MORN4: variants seen among roughly 807,000 people sequenced by gnomAD.
The protein encoded by MORN4 is MORN repeat containing 4, also known as MORN repeat-containing protein 4.
Under a neutral mutation model 16.4 loss-of-function variants are expected in MORN4, and 8 were observed. The ratio of observed to expected loss-of-function variants is 0.49; its 90% CI spans 0.29 to 0.88. The LOEUF is 0.88. Among genes scored for constraint, MORN4 ranks in the 40% least tolerant of loss-of-function variants. The pLI, the probability that MORN4 is intolerant of heterozygous loss-of-function variation, is 0.09. For synonymous variants in MORN4, 53 were observed against 68.9 expected, an observed-to-expected ratio of 0.77 and a Z score of 1.14; for missense variants, 159 against 182.9, an observed-to-expected ratio of 0.87 and a Z score of 0.75.
rs1162979185 is a variant in MORN4 at position 97,632,212 on chromosome 10, C to CTTTTT, written c.-31+1130_-31+1134dup. 1.1e-3 allele frequency among the ~76,000 whole-genome samples: 96 copies of CTTTTT among 86,970 alleles called. 2 individuals carry two copies. The highest frequency in any genetic ancestry group is 2.8e-3 in the African/African-American group (57 of 20,104). The allele number at this position is 86,970 out of a possible 152,430, so 57.1% of individuals were successfully genotyped here. A position where few individuals can be genotyped will look rare whatever the true frequency, so the allele number is the denominator to read the frequency against. ...GAACAAAAAGTCAAATAATACTCCCCTTTTTTTTTTTTTTTTTTTTTTTTG... is the reference window on the plus strand; with the variant it reads ...GAACAAAAAGTCAAATAATACTCCCCTTTTTTTTTTTTTTTTTTTTTTTTTTTTTG... On this transcript the variant is annotated intron_variant, in intron 1 of 4. Coordinates refer to ENST00000307450, the MANE Select transcript of MORN4 (RefSeq NM_178832.4).
chr10:97,622,531 C>CA (rs1291203954), intron 1 of MORN4, among the ~76,000 whole-genome samples: 1 of 151,638 alleles, frequency 6.6e-6, no homozygotes, highest in Non-Finnish European at 1.5e-5. Flanking sequence ...ACCAAAATTA[C>CA]AAAAAATCCA....
At chr10:97,616,830 T>G (rs1214464730) in intron 3 of MORN4, 43 bp from the exon 4 acceptor site, 1 of 1,384,634 alleles carries the variant, frequency 7.2e-7, no homozygotes, top group Non-Finnish European at 1.0e-6. Flanking sequence ...GAAAGTTAGC[T>G]GTCCAGATGA....
chr10:97,624,406 G>A (rs2041330747), intron 1 of MORN4, among the ~76,000 whole-genome samples: 1 of 152,032 alleles, frequency 6.6e-6, no homozygotes, highest in Non-Finnish European at 1.5e-5. Flanking sequence ...TGTTCCATCA[G>A]TGTTGTTTAT....
intron 1 of MORN4, among the ~76,000 whole-genome samples, chr10:97,623,605 A>G (rs2041322923): frequency 6.6e-6 from 1 of 152,114 alleles, no homozygotes; most frequent in South Asian, 2.1e-4. Context: ...ACAGGGTCTC[A>G]TTATGTTACC....
chr10:97,633,844 C>G (rs75881376), upstream of MORN4, among the ~76,000 whole-genome samples: 5,406 of 152,310 alleles, frequency 0.035, 264 homozygotes, highest in East Asian at 0.13. This position sits in a 1 kb window ranked among gnomAD's most constrained non-coding sequence, Gnocchi z 4.5. Flanking sequence ...ATCCTAAATC[C>G]AGCTTCAGAG....
At chr10:97,618,458 C>G (rs1589918066) in intron 2 of MORN4, among the ~76,000 whole-genome samples, 2 of 151,860 alleles carry the variant, frequency 1.3e-5, no homozygotes, top group Admixed American at 1.3e-4. Context: ...AATTCTTGAG[C>G]CTTGAGAGAA....
Position 97,620,961 on chromosome 10 carries a change from A to G in MORN4, c.-30-1278T>C, listed in dbSNP as rs546234733. Among the ~76,000 whole-genome samples the G allele has an allele frequency of 3.9e-5, 6 of 152,092 alleles. No individual in the cohort carries two copies. In the South Asian group the frequency reaches 1.0e-3, roughly 26 times the overall value. Reference sequence around the variant, plus strand: ...CATGGTAAAACCCCATCTCTACTAAAAATACAAAAATTAGCCGGGTGTGGT... The same window carrying G: ...CATGGTAAAACCCCATCTCTACTAAGAATACAAAAATTAGCCGGGTGTGGT... On this transcript the variant is annotated intron_variant, in intron 1 of 4. Coordinates refer to ENST00000307450, the MANE Select transcript of MORN4 (RefSeq NM_178832.4).
At chr10:97,620,144 C>T (rs2041275629) in intron 1 of MORN4, among the ~76,000 whole-genome samples, 1 of 151,752 alleles carries the variant, frequency 6.6e-6, no homozygotes, top group South Asian at 2.1e-4. Context: ...GAATTTAAAA[C>T]AAGCAGACAA....
chr10:97,629,508 G>A (rs1227269296), intron 1 of MORN4, among the ~76,000 whole-genome samples: 1 of 152,192 alleles, frequency 6.6e-6, no homozygotes, highest in Admixed American at 6.5e-5. Context: ...ACTACACAGA[G>A]GCTAACACTG....
Position 97,616,298 on chromosome 10 carries a change from T to C in MORN4, c.406A>G (p.Ser136Gly). The change falls in exon 5 of 5, where the codon AGC becomes GGC. Residue 136 changes from serine (S) to glycine (G), a missense_variant. Coordinates refer to ENST00000307450, the MANE Select transcript of MORN4 (RefSeq NM_178832.4). ...KCSAIVQRAQ[S>G]ASKSARNLTA ...AGATTTCTGGCTGACTTGGAGGCGC[T>C]CTGGGCCCGCTGAACAATGGCAGAA... 6.2e-7 allele frequency: 1 copy of C among 1,611,652 alleles called. No individual in the cohort carries two copies. Among genetic ancestry groups the C allele is most frequent in the African/African-American group, 1.3e-5 (1 of 74,920 alleles).
chr10:97,632,728 C>T (rs941598291), intron 1 of MORN4, among the ~76,000 whole-genome samples: 3 of 148,706 alleles, frequency 2.0e-5, no homozygotes, highest in East Asian at 2.0e-4. Flanking sequence ...TATTTAAAGG[C>T]GATGATGACC....
At position 97,614,855 on chromosome 10, in the gene MORN4, G is replaced by A. The variant is rs2041223249; in HGVS notation, c.*1408C>T. On this transcript the variant is annotated 3_prime_UTR_variant, in exon 5 of 5. Coordinates refer to ENST00000307450, the MANE Select transcript of MORN4 (RefSeq NM_178832.4). ...TTAGTTCCCCACAGTCCTAGAGTAG[G>A]TCCAATTCTACCAAAACCCCAGGGG... 2.0e-5 allele frequency: 3 copies of A among 152,324 alleles called. No homozygotes were observed. The highest frequency in any genetic ancestry group is 7.2e-5 in the African/African-American group (3 of 41,420). The allele number at this position is 152,324 out of a possible 1,614,324, so 9.4% of individuals were successfully genotyped here.
intron 1 of MORN4, among the ~76,000 whole-genome samples, chr10:97,623,724 G>A (rs568416887): frequency 1.3e-5 from 2 of 150,612 alleles, no homozygotes; most frequent in East Asian, 2.0e-4. Context: ...AAAACAAGAC[G>A]GGATTCTTTT....
At chr10:97,632,798 G>T (rs904049737) in intron 1 of MORN4, among the ~76,000 whole-genome samples, 3 of 151,832 alleles carry the variant, frequency 2.0e-5, no homozygotes, top group Admixed American at 2.0e-4. Flanking sequence ...TCACGGGAAA[G>T]GGAATGCCAG....
At chr10:97,622,520 T>G (rs911910203) in intron 1 of MORN4, among the ~76,000 whole-genome samples, 12 of 151,732 alleles carry the variant, frequency 7.9e-5, no homozygotes, top group Non-Finnish European at 1.0e-4. Flanking sequence ...ACCCCATCTG[T>G]ACCAAAATTA....
At chr10:97,632,246 T>A (rs2041403288) in intron 1 of MORN4, among the ~76,000 whole-genome samples, 1 of 118,004 alleles carries the variant, frequency 8.5e-6, no homozygotes, top group Non-Finnish European at 1.6e-5. Context: ...TGAGACGGAG[T>A]CTTGCTCTGT....
rs1283966828 is a variant in MORN4 at position 97,617,305 on chromosome 10, CA to C, written c.84del (p.Phe28LeufsTer4). 1.2e-6 allele frequency: 2 copies of C among 1,614,090 alleles called. No homozygotes were observed. The highest frequency in any genetic ancestry group is 1.7e-6 in the Non-Finnish European group (2 of 1,179,966). On this transcript the variant is annotated frameshift_variant, in exon 3 of 5. Transcript: ENST00000307450. LOFTEE classifies it high-confidence loss of function. ...GEWKEGRRHGFGQLMFADGGT... is the reference protein window; with the variant it reads ...GEWKEGRRHGXGQLMFADGGT... Reference sequence around the variant, plus strand: ...CCACCATCTGCAAACATCAGTTGACCAAAACCATGCCTGCGGCCTGAACAAA... The same window carrying C: ...CCACCATCTGCAAACATCAGTTGACCAAACCATGCCTGCGGCCTGAACAAA...
Position 97,616,741 on chromosome 10 carries a change from A to C in MORN4, c.229T>G (p.Phe77Val), listed in dbSNP as rs765073641. 1 of 1,614,090 alleles carries C rather than the reference A, an allele frequency of 6.2e-7. No individual in the cohort carries two copies. The highest frequency in any genetic ancestry group is 1.3e-5 in the African/African-American group (1 of 74,938). Residue 77 changes from phenylalanine (F) to valine (V), a missense_variant, in exon 4 of 5, where the codon TTC (phenylalanine) becomes GTC (valine). Coordinates refer to ENST00000307450, the MANE Select transcript of MORN4 (RefSeq NM_178832.4). ...AAGGTCATGTTGTCATATCGAATGA[A>C]GACTCCGACGCCATTAAACTTGCCC... is the stretch of plus-strand genomic sequence containing the variant. ...AQGKFNGVGV[F>V]IRYDNMTFEG...
chr10:97,626,882 C>T (rs1459179678), intron 1 of MORN4, among the ~76,000 whole-genome samples: 3 of 151,660 alleles, frequency 2.0e-5, no homozygotes, highest in Admixed American at 6.6e-5. Context: ...CCCAGCCTCC[C>T]AAGTAGCTGG....
Sources: allele counts gnomAD v4.1 joint callset (sites outside exome capture counted in the v4.1 genomes callset), GRCh38; gene constraint gnomAD v4.1.1; non-coding constraint Gnocchi (gnomAD v3.1); transcripts MANE v1.5; gene names NCBI Gene and HGNC (gene_info 2026-07-23, HGNC 2026-07-21).